NLN: variants seen among roughly 807,000 people sequenced by gnomAD.
NLN encodes the protein neurolysin.
In NLN, 64 loss-of-function variants were observed where a neutral mutation model predicts 79.9. The ratio of observed to expected loss-of-function variants is 0.80; its 90% confidence interval spans 0.65 to 0.99. The LOEUF is 0.99. NLN is among the 50% of genes least tolerant of loss of function. The pLI is 0.00. For synonymous variants in NLN, 267 were observed against 296.6 expected, an observed-to-expected ratio of 0.90 and a Z score of 1.02; for missense variants, 835 against 858.7, an observed-to-expected ratio of 0.97 and a Z score of 0.34.
At chr5:65,756,568 C>G (rs1349745278) in intron 1 of NLN, among the ~76,000 whole-genome samples, 1 of 152,176 alleles carries the variant, frequency 6.6e-6, no homozygotes, top group Non-Finnish European at 1.5e-5. Flanking sequence ...CTCTAAAACA[C>G]AAATCTGTTA....
chr5:65,747,083 C>T (rs1056268235), intron 1 of NLN, among the ~76,000 whole-genome samples: 1 of 151,852 alleles, frequency 6.6e-6, no homozygotes, highest in Non-Finnish European at 1.5e-5. Flanking sequence ...TGGATAGGAC[C>T]CAAGCACAGA....
intron 3 of NLN, among the ~76,000 whole-genome samples, chr5:65,776,841 A>C (rs963563255): frequency 6.6e-6 from 1 of 152,132 alleles, no homozygotes; most frequent in Non-Finnish European, 1.5e-5. Context: ...TTTTCCCCAG[A>C]TACTTGTTCC....
Position 65,813,829 on chromosome 5 carries a change from G to C in NLN, c.1980+1438G>C, listed in dbSNP as rs143971156. On this transcript the variant is annotated intron_variant, in intron 12 of 12. Transcript: ENST00000380985. ...TATAGCCCCAGCTACTCTGGAAGCT[G>C]AGATGGGAGAGTTGCTTGAGCCTAG... Among the ~76,000 whole-genome samples the C allele has an allele frequency of 6.6e-5, 10 of 152,176 alleles. No individual in the cohort carries two copies. In the East Asian group the frequency reaches 1.7e-3, roughly 26 times the overall value.
chr5:65,753,490 A>G (rs956566927), intron 1 of NLN, among the ~76,000 whole-genome samples: 13 of 152,084 alleles, frequency 8.5e-5, no homozygotes, highest in Admixed American at 8.5e-4. Flanking sequence ...CTCTAATAAA[A>G]ATACAGAAAA....
chr5:65,801,100 C>CA (rs1014245966), intron 9 of NLN, among the ~76,000 whole-genome samples: 37 of 151,366 alleles, frequency 2.4e-4, no homozygotes, highest in Admixed American at 1.1e-3. Context: ...TTTCCTGCAG[C>CA]AAAAAAAATG....
intron 1 of NLN, among the ~76,000 whole-genome samples, chr5:65,724,978 T>A (rs7734320): frequency 0.056 from 8,484 of 151,912 alleles, 295 homozygotes; most frequent in African/African-American, 0.086. Flanking sequence ...ATTTTTTTTT[T>A]TTATTTTTAG....
intron 3 of NLN, among the ~76,000 whole-genome samples, chr5:65,774,730 T>TATATATATATA (rs769804353): frequency 7.6e-6 from 1 of 131,014 alleles, no homozygotes; most frequent in Non-Finnish European, 1.6e-5. Flanking sequence ...TATATATATA[T>TATATATATATA]TTTTTTTTTT....
intron 3 of NLN, among the ~76,000 whole-genome samples, chr5:65,770,889 A>G (rs1413839403): frequency 2.0e-5 from 3 of 152,192 alleles, no homozygotes; most frequent in African/African-American, 4.8e-5. Flanking sequence ...AGAATACTGC[A>G]TACAATATGA....
intron 12 of NLN, among the ~76,000 whole-genome samples, chr5:65,820,604 C>T (rs994378977): frequency 6.6e-6 from 1 of 152,094 alleles, no homozygotes; most frequent in Non-Finnish European, 1.5e-5. Flanking sequence ...ATGATATGCT[C>T]CTTCTTAGCT....
chr5:65,813,900 A>G (rs1438454162), intron 12 of NLN, among the ~76,000 whole-genome samples: 1 of 151,864 alleles, frequency 6.6e-6, no homozygotes, highest in Non-Finnish European at 1.5e-5. Flanking sequence ...ACTACACTCC[A>G]GCCTGAATGA....
Position 65,809,647 on chromosome 5 carries a change from C to T in NLN, c.1660C>T (p.Pro554Ser), listed in dbSNP as rs149693029. 3 of 1,613,376 alleles carry T rather than the reference C, an allele frequency of 1.9e-6. No individual in the cohort carries two copies. Among genetic ancestry groups the T allele is most frequent in the African/African-American group, 2.7e-5 (2 of 74,858 alleles). The change falls in exon 10 of 13, where the codon CCT (proline) becomes TCT (serine). Residue 554 changes from proline to serine, a missense_variant. Physicochemically the swap from Pro to Ser is moderately conservative, Grantham distance 74. Transcript: ENST00000380985. ...RLSKHYKDGS[P>S]IADDLLEKLV... Reference sequence around the variant, plus strand: ...GTCAAAACATTATAAAGATGGAAGCCCTATTGCAGACGATCTGCTTGAAAA... The same window carrying T: ...GTCAAAACATTATAAAGATGGAAGCTCTATTGCAGACGATCTGCTTGAAAA...
intron 3 of NLN, among the ~76,000 whole-genome samples, chr5:65,764,681 T>A (rs1368696536): frequency 6.6e-6 from 1 of 152,236 alleles, no homozygotes; most frequent in Admixed American, 6.5e-5. Flanking sequence ...AGCTGGTTCA[T>A]TTCGGGCCTT....
At chr5:65,774,303 A>G (rs1759633633) in intron 3 of NLN, among the ~76,000 whole-genome samples, 1 of 152,176 alleles carries the variant, frequency 6.6e-6, no homozygotes, top group African/African-American at 2.4e-5. Flanking sequence ...AAATTTAAAA[A>G]TCACTTCTAA....
intron 1 of NLN, among the ~76,000 whole-genome samples, chr5:65,754,025 G>C (rs1759161230): frequency 6.6e-6 from 1 of 152,084 alleles, no homozygotes; most frequent in African/African-American, 2.4e-5. Context: ...CTTGTACTCT[G>C]ACCTCCATAC....
At chr5:65,748,675 C>T (rs1759037158) in intron 1 of NLN, among the ~76,000 whole-genome samples, 1 of 151,818 alleles carries the variant, frequency 6.6e-6, no homozygotes, top group Non-Finnish European at 1.5e-5. Flanking sequence ...AGTGCTTAAG[C>T]CCAGGAAGTT....
chr5:65,722,699 G>A (rs1488838283), intron 1 of NLN: 1 of 468,046 alleles, frequency 2.1e-6, no homozygotes, highest in Non-Finnish European at 3.8e-6. Flanking sequence ...CAAAATGAAT[G>A]CAAATAGTTT....
At chr5:65,781,137 A>G (rs1759791635) in intron 5 of NLN, 124 bp from the exon 6 acceptor site, 1 of 631,638 alleles carries the variant, frequency 1.6e-6, no homozygotes, top group African/African-American at 1.8e-5. Context: ...AAGGATTGTC[A>G]TTATTTTACT....
chr5:65,785,275 T>C (rs572399609), intron 6 of NLN, among the ~76,000 whole-genome samples: 5 of 152,220 alleles, frequency 3.3e-5, no homozygotes, highest in South Asian at 2.1e-4. Flanking sequence ...CTTTACATTC[T>C]CATCAGCAAT....
At position 65,733,491 on chromosome 5, in the gene NLN, A is replaced by C; in HGVS notation, c.41+11077A>C. 3 of 1,391,284 alleles carry C rather than the reference A, an allele frequency of 2.2e-6. 1 individual carries two copies. The highest frequency in any genetic ancestry group is 3.1e-5 in the African/African-American group (2 of 64,606). 86.2% of individuals were successfully genotyped at this position (1,391,284 alleles called of 1,614,324 possible). On this transcript the variant is annotated intron_variant, in intron 1 of 12. Coordinates refer to ENST00000380985, the MANE Select transcript of NLN (RefSeq NM_020726.5). ...TCCTTCCCATCTGGAGAGTCTTGAC[A>C]ACAGGGGTCATGCCAATTGGGAGAT...
Sources: gnomAD v4.1 joint callset for allele counts (sites outside exome capture counted in the v4.1 genomes callset) on GRCh38, gnomAD v4.1.1 for gene constraint, MANE v1.5 for transcripts, NCBI Gene and HGNC (gene_info 2026-07-23, HGNC 2026-07-21) for gene names.